GOLIM4: variants seen among roughly 807,000 people sequenced by gnomAD.
GOLIM4 encodes the protein golgi integral membrane protein 4, also known as 130 kDa golgi-localized phosphoprotein.
Under a neutral mutation model 107.4 loss-of-function variants are expected in GOLIM4, and 71 were observed. The ratio of observed to expected loss-of-function variants is 0.66; its 90% CI spans 0.55 to 0.81. The LOEUF (loss-of-function observed/expected upper bound fraction) is 0.81, where lower values mean the gene tolerates loss of function less well. Ranked by LOEUF, GOLIM4 falls within the 30% of genes least tolerant of loss-of-function variation. GOLIM4 has a pLI of 0.00. For synonymous variants in GOLIM4, 327 were observed against 294.8 expected, an observed-to-expected ratio of 1.11 and a Z score of -1.12; for missense variants, 830 against 826.1, an observed-to-expected ratio of 1.00 and a Z score of -0.06.
At chr3:168,013,014 G>C (rs1717145393) in intron 14 of GOLIM4, among the ~76,000 whole-genome samples, 1 of 147,996 alleles carries the variant, frequency 6.8e-6, no homozygotes, top group Non-Finnish European at 1.5e-5. Flanking sequence ...ACATCATAAT[G>C]ACAGGATGAA....
At chr3:168,064,049 A>G (rs1280245310) in intron 1 of GOLIM4, among the ~76,000 whole-genome samples, 2 of 152,166 alleles carry the variant, frequency 1.3e-5, no homozygotes, top group Non-Finnish European at 2.9e-5. Context: ...CTGCATCATA[A>G]TATCACCCAA....
intron 3 of GOLIM4, among the ~76,000 whole-genome samples, chr3:168,045,532 G>C (rs987182002): frequency 1.6e-4 from 25 of 151,944 alleles, no homozygotes; most frequent in Non-Finnish European, 3.2e-4. Flanking sequence ...AGGTTCCAGG[G>C]GTATATCTTT....
chr3:168,031,751 G>A (rs540464346), intron 9 of GOLIM4, among the ~76,000 whole-genome samples: 79 of 152,274 alleles, frequency 5.2e-4, no homozygotes, highest in African/African-American at 1.9e-3. Flanking sequence ...GAAAATCTGA[G>A]GCCGAATAAA....
chr3:168,094,437 A>G (rs192877398), intron 1 of GOLIM4, among the ~76,000 whole-genome samples: 3 of 152,334 alleles, frequency 2.0e-5, no homozygotes, highest in Admixed American at 1.3e-4. Flanking sequence ...ACCTGTTTTT[A>G]AAGAAATAAA....
At chr3:168,068,914 G>A (rs767691674) in intron 1 of GOLIM4, among the ~76,000 whole-genome samples, 24 of 150,422 alleles carry the variant, frequency 1.6e-4, no homozygotes, top group Admixed American at 8.0e-4. Flanking sequence ...TCGGCTCACC[G>A]CAACCTCTAC....
intron 14 of GOLIM4, among the ~76,000 whole-genome samples, chr3:168,022,140 GC>G (rs948740880): frequency 7.2e-5 from 11 of 151,942 alleles, no homozygotes; most frequent in Non-Finnish European, 1.3e-4. Context: ...CCTCTTAGAG[GC>G]CAAGTCTGTA....
At chr3:168,073,223 GC>G (rs1436024321) in intron 1 of GOLIM4, among the ~76,000 whole-genome samples, 2 of 152,170 alleles carry the variant, frequency 1.3e-5, no homozygotes, top group Non-Finnish European at 2.9e-5. Flanking sequence ...ATCATAGTCT[GC>G]CATTCCTTAC....
chr3:168,019,949 G>T (rs1717591022), intron 14 of GOLIM4, among the ~76,000 whole-genome samples: 1 of 135,832 alleles, frequency 7.4e-6, no homozygotes, highest in Admixed American at 6.9e-5. Flanking sequence ...TCAATTAGGG[G>T]TTACAAAAAA....
intron 1 of GOLIM4, among the ~76,000 whole-genome samples, chr3:168,076,280 G>T (rs981562104): frequency 3.3e-5 from 5 of 152,208 alleles, no homozygotes; most frequent in Admixed American, 2.6e-4. Flanking sequence ...ATGTTCACCA[G>T]AAGTTTACAT....
intron 1 of GOLIM4, among the ~76,000 whole-genome samples, chr3:168,053,327 T>C (rs1488755911): frequency 6.6e-6 from 1 of 152,190 alleles, no homozygotes; most frequent in Non-Finnish European, 1.5e-5. Flanking sequence ...GAGAGGGCAA[T>C]GTTTCTTTGG....
chr3:168,071,701 CT>C (rs776579645), intron 1 of GOLIM4, among the ~76,000 whole-genome samples: 3 of 151,666 alleles, frequency 2.0e-5, no homozygotes, highest in Non-Finnish European at 4.4e-5. Flanking sequence ...GATTTTGCTA[CT>C]GAATGAGTCA....
At chr3:168,010,878 T>G (rs773821044) in intron 14 of GOLIM4, 55 bp from the exon 15 acceptor site, 10 of 1,165,174 alleles carry the variant, frequency 8.6e-6, no homozygotes, top group Non-Finnish European at 1.3e-5. Context: ...GCACTTGCGA[T>G]AATATATTTT....
At chr3:168,019,467 C>T (rs1420850944) in intron 14 of GOLIM4, among the ~76,000 whole-genome samples, 1 of 152,136 alleles carries the variant, frequency 6.6e-6, no homozygotes, top group Non-Finnish European at 1.5e-5. Context: ...ATGTCTCATC[C>T]ATACTTACAT....
intron 1 of GOLIM4, among the ~76,000 whole-genome samples, chr3:168,060,097 A>G (rs1480570245): frequency 7.2e-6 from 1 of 138,860 alleles, no homozygotes; most frequent in African/African-American, 3.1e-5. Flanking sequence ...GAACCATTAG[A>G]GAGTTTTTTT....
intron 1 of GOLIM4, among the ~76,000 whole-genome samples, chr3:168,072,874 G>A (rs973712245): frequency 3.3e-5 from 5 of 152,122 alleles, no homozygotes; most frequent in African/African-American, 1.2e-4. Flanking sequence ...TTTAATGTAT[G>A]AGCAAACTGC....
rs901214733 is a variant in GOLIM4 at position 168,095,428 on chromosome 3, G to A, written c.-143C>T. On this transcript the variant is annotated 5_prime_UTR_variant, in exon 1 of 16. Transcript: ENST00000470487. ...CCAGACACAAAAGCCGGCCCGGAGG[G>A]GAAGTGGCGCCCGCTCAGCCCCCGC... is the stretch of plus-strand genomic sequence containing the variant. The A allele has an allele frequency of 1.2e-5, 8 of 643,206 alleles. No individual in the cohort carries two copies. Among genetic ancestry groups the A allele is most frequent in the South Asian group, 4.3e-5 (2 of 46,548 alleles). The allele number at this position is 643,206 out of a possible 1,614,324, so 39.8% of individuals were successfully genotyped here.
chr3:168,056,446 G>A (rs113626083), intron 1 of GOLIM4, among the ~76,000 whole-genome samples: 4 of 152,166 alleles, frequency 2.6e-5, no homozygotes, highest in African/African-American at 9.7e-5. Context: ...GGGGAGAAGG[G>A]GGCCACTGTC....
At chr3:168,092,835 A>G (rs1721980043) in intron 1 of GOLIM4, among the ~76,000 whole-genome samples, 1 of 143,660 alleles carries the variant, frequency 7.0e-6, no homozygotes, top group Non-Finnish European at 1.5e-5. Context: ...GTCAAAAGTG[A>G]ATCCACAAAA....
intron 8 of GOLIM4, among the ~76,000 whole-genome samples, chr3:168,035,862 AC>A (rs981553469): frequency 6.6e-6 from 1 of 152,138 alleles, no homozygotes; most frequent in Non-Finnish European, 1.5e-5. Context: ...AAAAAAAAAA[AC>A]AACCTTTGTA....
Sources: gnomAD v4.1 joint callset for allele counts (sites outside exome capture counted in the v4.1 genomes callset) on GRCh38, gnomAD v4.1.1 for gene constraint, MANE v1.5 for transcripts, NCBI Gene and HGNC (gene_info 2026-07-23, HGNC 2026-07-21) for gene names.